COMT: variants seen among roughly 807,000 people sequenced by gnomAD.
COMT encodes the protein catechol-O-methyltransferase, also known as catechol O-methyltransferase.
Under a neutral mutation model 18.9 loss-of-function variants are expected in COMT, and 13 were observed. The ratio of observed to expected loss-of-function variants is 0.69; its 90% CI spans 0.45 to 1.09. COMT has a LOEUF of 1.09. COMT is among the 50% of genes least tolerant of loss of function. The pLI, the probability that COMT is intolerant of heterozygous loss-of-function variation, is 0.00. For missense variants in COMT, 329 were observed against 361.8 expected (o/e 0.91, Z 0.73); for synonymous variants, 150 against 160.9 (o/e 0.93, Z 0.51).
At chr22:19,946,892 A>T (rs900632052) in intron 1 of COMT, among the ~76,000 whole-genome samples, 8 of 149,466 alleles carry the variant, frequency 5.4e-5, no homozygotes, top group African/African-American at 1.8e-4. Flanking sequence ...AAATAGCATT[A>T]AAAAAAATTT....
At position 19,966,436 on chromosome 22, in the gene COMT, T is replaced by TAA. The variant is rs362115; in HGVS notation, c.616-2082_616-2081dup. 3.3e-3 allele frequency among the ~76,000 whole-genome samples: 442 copies of TAA among 135,298 alleles called. 5 individuals carry two copies. The highest frequency in any genetic ancestry group is 0.011 in the African/African-American group (404 of 35,792). 88.8% of individuals were successfully genotyped at this position (135,298 alleles called of 152,430 possible). On this transcript the variant is annotated intron_variant, in intron 5 of 5. Transcript: ENST00000361682. ...AAAGGAAGAGGAATGAGTTCCCCCT[T>TAA]AAAAAAAAAAAAAAAAAAAGAAAAA...
Position 19,968,803 on chromosome 22 carries a change from C to A in COMT, c.*67C>A. ...GGTACTGAAGGTGCCAGACGTGCTC[C>A]TGCTGACCTTCTGCGGCTCCGGGCT... On this transcript the variant is annotated 3_prime_UTR_variant, in exon 6 of 6. Coordinates refer to ENST00000361682, the MANE Select transcript of COMT (RefSeq NM_000754.4). The A allele has an allele frequency of 6.7e-7, 1 of 1,484,588 alleles. No individual in the cohort carries two copies. The highest frequency in any genetic ancestry group is 9.2e-7 in the Non-Finnish European group (1 of 1,085,238). The allele number at this position is 1,484,588 out of a possible 1,614,324, so 92.0% of individuals were successfully genotyped here.
At chr22:19,946,533 C>T (rs1185128554) in intron 1 of COMT, among the ~76,000 whole-genome samples, 1 of 152,130 alleles carries the variant, frequency 6.6e-6, no homozygotes, top group Non-Finnish European at 1.5e-5. Flanking sequence ...CCCCATGGTA[C>T]CTGTCATGGG....
Position 19,962,739 on chromosome 22 carries a change from C to T in COMT, c.213C>T (p.Asn71=), listed in dbSNP as rs76384862. ...TGCTGCAGCATGCGGAGCCCGGGAACGCACAGAGCGTGCTGGAGGCCATTG... is the reference window on the plus strand; with the variant it reads ...TGCTGCAGCATGCGGAGCCCGGGAATGCACAGAGCGTGCTGGAGGCCATTG... ...NHVLQHAEPG[N]AQSVLEAIDT... The change falls in exon 3 of 6, where the codon AAC becomes AAT. Residue 71 remains asparagine (N), a synonymous_variant. Transcript: ENST00000361682. 452 of 1,613,616 alleles carry T rather than the reference C, an allele frequency of 2.8e-4. No individual in the cohort carries two copies. Among genetic ancestry groups the T allele is most frequent in the Non-Finnish European group, 2.9e-4 (337 of 1,179,978 alleles).
rs757585867 is a variant in COMT, at chr22:19,968,648, A to G, written c.728A>G (p.His243Arg). ...VRGSSCFECT[H>R]YQSFLEYREV... ...GGGAGCAGCTGCTTTGAGTGCACAC[A>G]CTACCAATCGTTCCTGGAATACAGG... The change falls in exon 6 of 6, where the codon CAC becomes CGC. Residue 243 changes from histidine (H) to arginine (R), a missense_variant. Coordinates refer to ENST00000361682, the MANE Select transcript of COMT (RefSeq NM_000754.4). 1 of 1,614,060 alleles carries G rather than the reference A, an allele frequency of 6.2e-7. No homozygotes were observed. Among genetic ancestry groups the G allele is most frequent in the South Asian group, 1.1e-5 (1 of 91,088 alleles).
intron 1 of COMT, among the ~76,000 whole-genome samples, chr22:19,958,439 A>C (rs909982749): frequency 2.0e-5 from 3 of 152,086 alleles, no homozygotes; most frequent in African/African-American, 7.2e-5. Flanking sequence ...TGCTGGAATT[A>C]CAGTCATGAG....
chr22:19,965,715 G>C (rs1942355744), intron 5 of COMT: 1 of 152,288 alleles, frequency 6.6e-6, no homozygotes, highest in African/African-American at 2.4e-5. Context: ...GTGGAGTGTG[G>C]AGAGGGCTGT....
At position 19,956,142 on chromosome 22, in the gene COMT, T is replaced by C. The variant is rs1295279416; in HGVS notation, c.-91-5057T>C. 1.7e-4 allele frequency among the ~76,000 whole-genome samples: 20 copies of C among 117,754 alleles called. 4 individuals carry two copies. Among genetic ancestry groups the C allele is most frequent in the Middle Eastern group, 3.6e-3 (1 of 278 alleles). 77.3% of individuals were successfully genotyped at this position (117,754 alleles called of 152,430 possible). On this transcript the variant is annotated intron_variant, in intron 1 of 5. Transcript: ENST00000361682. The stretch of plus-strand genomic sequence containing the variant: ...TTTCTTTTTTTTCTTTTTTTCTTTT[T>C]TTTTTTTTTTTTTTTTTTTTGAGAT...
chr22:19,959,641 G>C (rs1942146533), intron 1 of COMT, among the ~76,000 whole-genome samples: 1 of 152,186 alleles, frequency 6.6e-6, no homozygotes, highest in Non-Finnish European at 1.5e-5. Flanking sequence ...CCTCTGCTCA[G>C]GGCTTCAGTT....
rs980095041 is a variant in COMT, at chr22:19,964,797, G to A, written c.615+498G>A. 8.7e-6 allele frequency: 3 copies of A among 343,338 alleles called. No individual in the cohort carries two copies. In the Admixed American group the frequency reaches 1.3e-4, roughly 15 times the overall value. 21.3% of individuals were successfully genotyped at this position (343,338 alleles called of 1,614,324 possible). On this transcript the variant is annotated intron_variant, in intron 5 of 5. Transcript: ENST00000361682. ...ACCCTGAGTGCCCCGAGTGAGGCTA[G>A]ACAGCGGGTGGGGCTGTCCTCGCTT...
At chr22:19,946,900 T>G (rs532617540) in intron 1 of COMT, among the ~76,000 whole-genome samples, 42 of 142,246 alleles carry the variant, frequency 3.0e-4, no homozygotes, top group African/African-American at 1.2e-3. Context: ...TTAAAAAAAA[T>G]TTTTTTTTAG....
At position 19,941,827 on chromosome 22, in the gene COMT, T is replaced by C; in HGVS notation, c.-162T>C. The C allele has an allele frequency of 6.6e-7, 1 of 1,510,786 alleles. No individual in the cohort carries two copies. Among genetic ancestry groups the C allele is most frequent in the Non-Finnish European group, 8.8e-7 (1 of 1,139,280 alleles). 93.6% of individuals were successfully genotyped at this position (1,510,786 alleles called of 1,614,324 possible). A position where few individuals can be genotyped will look rare whatever the true frequency, so the allele number is the denominator to read the frequency against. On this transcript the variant is annotated 5_prime_UTR_variant, in exon 1 of 6. Transcript: ENST00000361682. ...ATCGTCGTGGGGCTTCTGGGGCAGC[T>C]AGGGCTGCCCGCCGCGCTGCCTGCG...
chr22:19,958,743 G>T (rs1299781335), intron 1 of COMT, among the ~76,000 whole-genome samples: 1 of 78,808 alleles, frequency 1.3e-5, no homozygotes, highest in Non-Finnish European at 2.7e-5. Flanking sequence ...AAAAAAAAAA[G>T]CTGGGTGTGC....
Position 19,941,805 on chromosome 22 carries a change from G to A in COMT, c.-184G>A, listed in dbSNP as rs1465316102. 2.0e-6 allele frequency: 3 copies of A among 1,533,272 alleles called. No homozygotes were observed. The African/African-American group carries it at 4.3e-5, about 22-fold the overall frequency. The allele number at this position is 1,533,272 out of a possible 1,614,324, so 95.0% of individuals were successfully genotyped here. On this transcript the variant is annotated 5_prime_UTR_variant, in exon 1 of 6. Transcript: ENST00000361682. ...CAGCGCCACCGCCATTGCCGCCATC[G>A]TCGTGGGGCTTCTGGGGCAGCTAGG...
Position 19,968,957 on chromosome 22 carries a change from T to C in COMT, c.*221T>C. 1 of 547,766 alleles carries C rather than the reference T, an allele frequency of 1.8e-6. No homozygotes were observed. Among genetic ancestry groups the C allele is most frequent in the Non-Finnish European group, 3.3e-6 (1 of 304,954 alleles). The allele number at this position is 547,766 out of a possible 1,614,324, so 33.9% of individuals were successfully genotyped here. On this transcript the variant is annotated 3_prime_UTR_variant, in exon 6 of 6. Transcript: ENST00000361682. ...CTTCTTTACTAACACTGGCTAGCTA[T>C]ATTATCTTATATACTAATATCATGT...
In COMT at chr22:19,968,838, A is replaced by C; in HGVS notation, c.*102A>C. ...TCTGCGGCTCCGGGCTGTGTCCTAA[A>C]TGCAAAGCACACCTCGGCCGAGGCC... is the stretch of plus-strand genomic sequence containing the variant. On this transcript the variant is annotated 3_prime_UTR_variant, in exon 6 of 6. Coordinates refer to ENST00000361682, the MANE Select transcript of COMT (RefSeq NM_000754.4). 1.8e-6 allele frequency: 2 copies of C among 1,126,422 alleles called. No homozygotes were observed. The highest frequency in any genetic ancestry group is 2.6e-6 in the Non-Finnish European group (2 of 772,016). 69.8% of individuals were successfully genotyped at this position (1,126,422 alleles called of 1,614,324 possible). A position where few individuals can be genotyped will look rare whatever the true frequency, so the allele number is the denominator to read the frequency against.
intron 1 of COMT, among the ~76,000 whole-genome samples, chr22:19,959,352 C>T (rs1159050596): frequency 6.6e-6 from 1 of 152,280 alleles, no homozygotes; most frequent in African/African-American, 2.4e-5. Context: ...GGTGACAGCG[C>T]AGGGTCAGCC....
At chr22:19,953,038 G>A (rs1941982835) in intron 1 of COMT, among the ~76,000 whole-genome samples, 1 of 152,170 alleles carries the variant, frequency 6.6e-6, no homozygotes, top group Non-Finnish European at 1.5e-5. Context: ...GTTAGTGTTT[G>A]TTCAAGGCCT....
At chr22:19,946,894 A>C (rs1289695354) in intron 1 of COMT, among the ~76,000 whole-genome samples, 2 of 150,052 alleles carry the variant, frequency 1.3e-5, no homozygotes, top group Admixed American at 1.3e-4. Context: ...ATAGCATTAA[A>C]AAAAATTTTT....
Sources: gnomAD v4.1 joint callset for allele counts (sites outside exome capture counted in the v4.1 genomes callset) on GRCh38, gnomAD v4.1.1 for gene constraint, MANE v1.5 for transcripts, NCBI Gene and HGNC (gene_info 2026-07-23, HGNC 2026-07-21) for gene names.